The following ST6GALNAC1 variants were observed in gnomAD, a reference collection of about 807,000 sequenced individuals.
The protein encoded by ST6GALNAC1 is ST6 N-acetylgalactosaminide alpha-2,6-sialyltransferase 1.
A neutral mutation model predicts 56.8 loss-of-function variants in ST6GALNAC1; 45 were observed. The ratio of observed to expected loss-of-function variants is 0.79; its 90% confidence interval spans 0.62 to 1.02. The LOEUF is 1.02. Among genes scored for constraint, ST6GALNAC1 ranks in the 50% least tolerant of loss-of-function variants. ST6GALNAC1 has a pLI of 0.00. For synonymous variants in ST6GALNAC1, 295 were observed against 297.8 expected (o/e 0.99, Z 0.10); for missense variants, 743 against 754.8 (o/e 0.98, Z 0.18).
At chr17:76,618,277 G>A in the ST6GALNAC1 span, among the ~76,000 whole-genome samples, 1,078 of 152,282 alleles carry the variant, frequency 7.1e-3, 18 homozygotes, top group African/African-American at 0.025. Context: ...GATACAGCTA[G>A]GAGGGCTGAG....
At position 76,627,721 on chromosome 17, in the gene ST6GALNAC1, G is replaced by A. The variant is rs1246636720; in HGVS notation, c.832-138C>T. On this transcript the variant is annotated intron_variant, in intron 2 of 8. Transcript: ENST00000156626. The surrounding 1 kb of genome is among the most constrained non-coding windows in gnomAD (Gnocchi z 4.4). ...CTACCTCTTCCATTCTGTTCTCAGG[G>A]TCTGCTTACCCTCCCCTTCCCATTG... The A allele has an allele frequency of 5.7e-5, 43 of 753,036 alleles. No homozygotes were observed. In the Admixed American group the frequency reaches 1.2e-3, roughly 21 times the overall value. 46.6% of individuals were successfully genotyped at this position (753,036 alleles called of 1,614,324 possible).
At chr17:76,623,298 CCT>C (rs1567949703), downstream of ST6GALNAC1, among the ~76,000 whole-genome samples, 1 of 151,824 alleles carries the variant, frequency 6.6e-6, no homozygotes, top group Non-Finnish European at 1.5e-5. Flanking sequence ...TAGAGGTAGA[CCT>C]CTCTCATAGC....
Position 76,627,717 on chromosome 17 carries a change from C to T in ST6GALNAC1, c.832-134G>A, listed in dbSNP as rs117714099. 0.019 allele frequency: 15,027 copies of T among 774,806 alleles called. 201 individuals are homozygous for T. Among genetic ancestry groups the T allele is most frequent in the Non-Finnish European group, 0.024 (11,420 of 485,706 alleles). 48.0% of individuals were successfully genotyped at this position (774,806 alleles called of 1,614,324 possible). On this transcript the variant is annotated intron_variant, in intron 2 of 8. Coordinates refer to ENST00000156626, the MANE Select transcript of ST6GALNAC1 (RefSeq NM_018414.5). The surrounding 1 kb of genome is among the most constrained non-coding windows in gnomAD (Gnocchi z 4.4). ...TCTGCTACCTCTTCCATTCTGTTCT[C>T]AGGGTCTGCTTACCCTCCCCTTCCC...
At chr17:76,621,182 C>CTTTTTTTTT (rs367846650), downstream of ST6GALNAC1, among the ~76,000 whole-genome samples, 102 of 105,318 alleles carry the variant, frequency 9.7e-4, no homozygotes, top group Non-Finnish European at 1.2e-3. Context: ...TTCTTTCTTT[C>CTTTTTTTTT]TTTCTTTTTT....
the ST6GALNAC1 span, among the ~76,000 whole-genome samples, chr17:76,618,444 T>C: frequency 6.6e-6 from 1 of 152,074 alleles, no homozygotes; most frequent in Admixed American, 6.6e-5. Flanking sequence ...GTGGTAAATG[T>C]GTATGTAATT....
At chr17:76,619,588 G>C in the ST6GALNAC1 span, among the ~76,000 whole-genome samples, 1 of 152,132 alleles carries the variant, frequency 6.6e-6, no homozygotes, top group Non-Finnish European at 1.5e-5. Context: ...ATTGAAAGTG[G>C]CTTCAGAATG....
intron 5 of ST6GALNAC1, 103 bp from the exon 6 acceptor site, chr17:76,626,495 C>A: frequency 6.7e-7 from 1 of 1,489,964 alleles, no homozygotes; most frequent in Non-Finnish European, 9.3e-7. Flanking sequence ...CTGCTCTGGA[C>A]TGGTCTGACT....
downstream of ST6GALNAC1, among the ~76,000 whole-genome samples, chr17:76,621,186 CT>C (rs775271169): frequency 1.8e-5 from 2 of 110,048 alleles, no homozygotes; most frequent in Admixed American, 1.2e-4. Flanking sequence ...TTCTTTCTTT[CT>C]TTTTTTTTTT....
intron 5 of ST6GALNAC1, 99 bp from the exon 6 acceptor site, chr17:76,626,491 T>C (rs2075800413): frequency 6.7e-7 from 1 of 1,501,840 alleles, no homozygotes; most frequent in Admixed American, 1.7e-5. Context: ...TGCTCTGCTC[T>C]GGACTGGTCT....
At position 76,629,609 on chromosome 17, in the gene ST6GALNAC1, C is replaced by T. The variant is rs139755616; in HGVS notation, c.234G>A (p.Glu78=). The change falls in exon 2 of 9, where the codon GAG becomes GAA. Residue 78 remains glutamate (E), a synonymous_variant. Coordinates refer to ENST00000156626, the MANE Select transcript of ST6GALNAC1 (RefSeq NM_018414.5). ...TGAGGGCATTGTTCTCTGGCACTGG[C>T]TCTGCATAGATGGTTGTCCTCCTTG... The part of the protein sequence containing the change: ...TRARRTTIYA[E]PVPENNALNT... The T allele has an allele frequency of 3.9e-5, 63 of 1,613,482 alleles. 1 individual carries two copies. The South Asian group carries it at 4.1e-4, about 10-fold the overall frequency.
At chr17:76,636,805 G>A (rs1382533255) in intron 1 of ST6GALNAC1, among the ~76,000 whole-genome samples, 5 of 152,062 alleles carry the variant, frequency 3.3e-5, no homozygotes, top group African/African-American at 1.2e-4. Context: ...CCATGATGAC[G>A]ATGGCGGTTT....
chr17:76,624,973 G>A lies in ST6GALNAC1; in HGVS notation c.*357C>T, dbSNP rs2075775119. The A allele has an allele frequency of 3.6e-6, 1 of 281,288 alleles. No individual in the cohort carries two copies. The highest frequency in any genetic ancestry group is 6.7e-6 in the Non-Finnish European group (1 of 148,480). 17.4% of individuals were successfully genotyped at this position (281,288 alleles called of 1,614,324 possible). A position where few individuals can be genotyped will look rare whatever the true frequency, so the allele number is the denominator to read the frequency against. ...GATTTCACAACTGTAAACTCGATCT[G>A]GAATTCAAACCAGATCTATATGTTT... is the stretch of plus-strand genomic sequence containing the variant. On this transcript the variant is annotated 3_prime_UTR_variant, in exon 9 of 9. Transcript: ENST00000156626.
chr17:76,620,681 T>C (rs968219532), downstream of ST6GALNAC1, among the ~76,000 whole-genome samples: 1 of 151,956 alleles, frequency 6.6e-6, no homozygotes. Flanking sequence ...GTTCAAGTGA[T>C]TCTCCTCCCT....
In ST6GALNAC1 at chr17:76,624,790, C is replaced by T. The variant is rs1357067149; in HGVS notation, c.*540G>A. ...CACTGTAGAAAATTTATTTGCCTTT[C>T]CATGGACAACAATCATTTGTATTAT... On this transcript the variant is annotated 3_prime_UTR_variant, in exon 9 of 9. Coordinates refer to ENST00000156626, the MANE Select transcript of ST6GALNAC1 (RefSeq NM_018414.5). 1 of 153,392 alleles carries T rather than the reference C, an allele frequency of 6.5e-6. No individual in the cohort carries two copies. Among genetic ancestry groups the T allele is most frequent in the Non-Finnish European group, 1.5e-5 (1 of 68,926 alleles). 9.5% of individuals were successfully genotyped at this position (153,392 alleles called of 1,614,324 possible).
intron 1 of ST6GALNAC1, among the ~76,000 whole-genome samples, chr17:76,639,682 C>T (rs1230918200): frequency 8.4e-6 from 1 of 118,454 alleles, no homozygotes. Flanking sequence ...CACACACACA[C>T]ACACACACAC....
chr17:76,626,045 A>G lies in ST6GALNAC1; in HGVS notation c.1466T>C (p.Leu489Pro), dbSNP rs141085732. ...TCGGAGAAAGTCTGGGTGCAGCAAC[A>G]GGTACCTGTCCATGTGCAGGGCTTC... is the stretch of plus-strand genomic sequence containing the variant. ...FREALHMDRY[L>P]LLHPDFLRYM... The change falls in exon 7 of 9, where the codon CTG becomes CCG. Residue 489 changes from leucine to proline, a missense_variant. Coordinates refer to ENST00000156626, the MANE Select transcript of ST6GALNAC1 (RefSeq NM_018414.5). 1.8e-4 allele frequency: 285 copies of G among 1,614,074 alleles called. No homozygotes were observed. Among genetic ancestry groups the G allele is most frequent in the Non-Finnish European group, 2.4e-4 (280 of 1,180,030 alleles).
chr17:76,627,812 C>T lies in ST6GALNAC1; in HGVS notation c.832-229G>A, dbSNP rs115336375. ...GTTCTCGGCCATCGAGGCAAATGCA[C>T]CTAGGCCGGGTGTGGTGGCTCACGC... On this transcript the variant is annotated intron_variant, in intron 2 of 8. Transcript: ENST00000156626. The surrounding 1 kb of genome is among the most constrained non-coding windows in gnomAD (Gnocchi z 4.4). Among the ~76,000 whole-genome samples the T allele has an allele frequency of 0.011, 1,666 of 152,208 alleles. 41 individuals carry two copies. The highest frequency in any genetic ancestry group is 0.038 in the African/African-American group (1,582 of 41,542).
the ST6GALNAC1 span, among the ~76,000 whole-genome samples, chr17:76,618,637 C>T: frequency 2.0e-5 from 3 of 152,042 alleles, no homozygotes; most frequent in East Asian, 1.9e-4. Flanking sequence ...AAAAATTAGC[C>T]GGGCGTGGTG....
chr17:76,617,980 T>G, the ST6GALNAC1 span, among the ~76,000 whole-genome samples: 1 of 152,316 alleles, frequency 6.6e-6, no homozygotes, highest in East Asian at 1.9e-4. Flanking sequence ...CGCATGCTGC[T>G]GAGGCAAGAC....
Sources: allele counts gnomAD v4.1 joint callset (sites outside exome capture counted in the v4.1 genomes callset), GRCh38; gene constraint gnomAD v4.1.1; non-coding constraint Gnocchi (gnomAD v3.1); transcripts MANE v1.5; gene names NCBI Gene and HGNC (gene_info 2026-07-23, HGNC 2026-07-21).